ATG7: variants seen among roughly 807,000 people sequenced by gnomAD.
ATG7 encodes the protein autophagy related 7.
In ATG7, 70 loss-of-function variants were observed where a neutral mutation model predicts 82.4. The observed-to-expected ratio is 0.85, with a 90% CI of 0.70 to 1.04. ATG7 has a LOEUF of 1.04. ATG7 is among the 50% of genes least tolerant of loss of function. The pLI is 0.00. For synonymous variants in ATG7, 287 were observed against 313.0 expected, an observed-to-expected ratio of 0.92 and a Z score of 0.88; for missense variants, 792 against 864.3, an observed-to-expected ratio of 0.92 and a Z score of 1.05.
At chr3:11,552,174 C>T (rs1359196796) in intron 20 of ATG7, among the ~76,000 whole-genome samples, 4 of 152,172 alleles carry the variant, frequency 2.6e-5, no homozygotes, top group Non-Finnish European at 5.9e-5. Context: ...GATATCTTAG[C>T]ACTTATTTTA....
At chr3:11,487,208 A>G (rs1383275604) in intron 20 of ATG7, among the ~76,000 whole-genome samples, 3 of 137,272 alleles carry the variant, frequency 2.2e-5, no homozygotes. Flanking sequence ...GTGCAGAACA[A>G]AATGAAAAGT....
chr3:11,379,838 T>G, intron 18 of ATG7, 134 bp from the exon 19 acceptor site: 1 of 814,530 alleles, frequency 1.2e-6, no homozygotes, highest in Non-Finnish European at 2.0e-6. Context: ...CATTTCGAAC[T>G]TATTTTTGCT....
At chr3:11,529,473 C>G (rs187767501) in intron 20 of ATG7, 16 of 153,176 alleles carry the variant, frequency 1.0e-4, no homozygotes, top group African/African-American at 3.9e-4. Flanking sequence ...GGGCCTTCTT[C>G]AAAATCAGGA....
At chr3:11,299,925 A>G (rs895989977) in intron 5 of ATG7, among the ~76,000 whole-genome samples, 4 of 144,540 alleles carry the variant, frequency 2.8e-5, no homozygotes, top group South Asian at 2.4e-4. Context: ...GAGAAGAGAC[A>G]CACTTTTTTT....
chr3:11,393,696 C>CT (rs2078995003), intron 19 of ATG7, among the ~76,000 whole-genome samples: 1 of 133,274 alleles, frequency 7.5e-6, no homozygotes, highest in South Asian at 2.5e-4. Context: ...TTTTTTTTTT[C>CT]TTTTATCTCA....
At chr3:11,543,365 T>G (rs2070999635) in intron 20 of ATG7, among the ~76,000 whole-genome samples, 1 of 152,166 alleles carries the variant, frequency 6.6e-6, no homozygotes, top group Non-Finnish European at 1.5e-5. Flanking sequence ...CTCAGAAGAC[T>G]AGAAGTAGCC....
At chr3:11,528,825 CAAA>C (rs11377789) in intron 20 of ATG7, among the ~76,000 whole-genome samples, 122 of 88,714 alleles carry the variant, frequency 1.4e-3, no homozygotes, top group African/African-American at 2.9e-3. Context: ...GACTCCATCT[CAAA>C]AAAAAAAAAA....
chr3:11,375,520 G>A (rs767749683), intron 18 of ATG7, among the ~76,000 whole-genome samples: 2 of 151,832 alleles, frequency 1.3e-5, no homozygotes, highest in East Asian at 1.9e-4. Flanking sequence ...TGACAAGGAC[G>A]TGAAGAAATT....
Position 11,362,923 on chromosome 3 carries a change from A to G in ATG7, c.1794A>G (p.Pro598=), listed in dbSNP as rs755935140. Reference sequence around the variant, plus strand: ...TGATGGTATCTGTTTTGCAGCATCCAGAAGGGTGAGTTTGCTAGTAGGAGA... The same window carrying G: ...TGATGGTATCTGTTTTGCAGCATCCGGAAGGGTGAGTTTGCTAGTAGGAGA... ...VELMVSVLQH[P]EGGYAIASSS... Residue 598 remains proline, a synonymous_variant, in exon 17 of 21, where the codon CCA becomes CCG. Transcript: ENST00000693202. 40 of 1,613,582 alleles carry G rather than the reference A, an allele frequency of 2.5e-5. 1 individual carries two copies. In the South Asian group the frequency reaches 2.7e-4, roughly 11 times the overall value.
chr3:11,503,235 C>G (rs1164502804), intron 20 of ATG7, among the ~76,000 whole-genome samples: 1 of 152,134 alleles, frequency 6.6e-6, no homozygotes, highest in African/African-American at 2.4e-5. Context: ...TTCTGAGTAC[C>G]TTCTCCTTAA....
At chr3:11,561,610 C>A (rs566261272), downstream of ATG7, among the ~76,000 whole-genome samples, 3 of 152,332 alleles carry the variant, frequency 2.0e-5, no homozygotes, top group Non-Finnish European at 4.4e-5. Flanking sequence ...ACTCGTCCAC[C>A]TAGAACGGGC....
chr3:11,311,263 T>C (rs1416595783), intron 7 of ATG7, among the ~76,000 whole-genome samples: 1 of 152,156 alleles, frequency 6.6e-6, no homozygotes, highest in Non-Finnish European at 1.5e-5. Context: ...TCCTAAGAAA[T>C]GCAAGCTTTT....
chr3:11,537,399 G>T (rs2070410522), intron 20 of ATG7, among the ~76,000 whole-genome samples: 1 of 152,192 alleles, frequency 6.6e-6, no homozygotes, highest in African/African-American at 2.4e-5. Context: ...GGACCTCCCA[G>T]GGCAGGGACG....
intron 11 of ATG7, among the ~76,000 whole-genome samples, chr3:11,337,314 A>G (rs1952676853): frequency 1.3e-5 from 2 of 152,032 alleles, no homozygotes; most frequent in African/African-American, 2.4e-5. Flanking sequence ...TTAGCTGGGC[A>G]TGGTGGTGCG....
At chr3:11,350,007 G>T (rs1284450412) in intron 14 of ATG7, among the ~76,000 whole-genome samples, 1 of 152,162 alleles carries the variant, frequency 6.6e-6, no homozygotes, top group East Asian at 1.9e-4. Flanking sequence ...ACAGGAGTTA[G>T]ATTAGGTGTC....
At chr3:11,505,369 T>G (rs571502035) in intron 20 of ATG7, among the ~76,000 whole-genome samples, 49 of 152,318 alleles carry the variant, frequency 3.2e-4, no homozygotes, top group African/African-American at 1.1e-3. Flanking sequence ...TAGTCACACT[T>G]AAGTATATGG....
chr3:11,403,532 T>C (rs2080046196), intron 19 of ATG7, among the ~76,000 whole-genome samples: 1 of 152,190 alleles, frequency 6.6e-6, no homozygotes, highest in African/African-American at 2.4e-5. Context: ...AACTAGCAAA[T>C]GTAAACTTTT....
At chr3:11,341,819 A>C (rs1953689604) in intron 12 of ATG7, among the ~76,000 whole-genome samples, 1 of 152,050 alleles carries the variant, frequency 6.6e-6, no homozygotes. Flanking sequence ...ACTAGGAAAA[A>C]CTTTCCTCTT....
intron 14 of ATG7, among the ~76,000 whole-genome samples, chr3:11,354,650 CAAAAAAAAAAAAAA>C (rs5846706): frequency 3.2e-5 from 2 of 61,930 alleles, no homozygotes; most frequent in Non-Finnish European, 5.8e-5. Context: ...TCCATCTCAC[CAAAAAAAAAAAAAA>C]AAAAAAAAAA....
Sources: allele counts gnomAD v4.1 joint callset (sites outside exome capture counted in the v4.1 genomes callset), GRCh38; gene constraint gnomAD v4.1.1; transcripts MANE v1.5; gene names NCBI Gene and HGNC (gene_info 2026-07-23, HGNC 2026-07-21).